The following HS6ST3 variants were observed in gnomAD, a reference collection of about 807,000 sequenced individuals.
The protein encoded by HS6ST3 is heparan-sulfate 6-O-sulfotransferase 3.
A neutral mutation model predicts 36.7 loss-of-function variants in HS6ST3; 12 were observed. That is an observed-to-expected ratio of 0.33 (90% confidence interval 0.21 to 0.53). The LOEUF (loss-of-function observed/expected upper bound fraction) is 0.53. Ranked by LOEUF, HS6ST3 falls within the 20% of genes least tolerant of loss-of-function variation. HS6ST3 has a pLI of 0.95. For synonymous variants in HS6ST3, 240 were observed against 257.5 expected, an observed-to-expected ratio of 0.93 and a Z score of 0.65; for missense variants, 584 against 640.9, an observed-to-expected ratio of 0.91 and a Z score of 0.96.
intron 1 of HS6ST3, among the ~76,000 whole-genome samples, chr13:96,666,626 T>C (rs2056665119): frequency 6.6e-6 from 1 of 152,184 alleles, no homozygotes; most frequent in South Asian, 2.1e-4. Context: ...CAGCAACACG[T>C]TGAACTTCGG....
At chr13:96,477,258 G>A (rs1365873701) in intron 1 of HS6ST3, among the ~76,000 whole-genome samples, 2 of 152,086 alleles carry the variant, frequency 1.3e-5, no homozygotes, top group African/African-American at 4.8e-5. Flanking sequence ...TTTTGAGCTG[G>A]GAGACTGGGA....
intron 1 of HS6ST3, among the ~76,000 whole-genome samples, chr13:96,107,202 G>A (rs547350140): frequency 2.0e-4 from 30 of 152,184 alleles, no homozygotes; most frequent in Non-Finnish European, 3.8e-4. Flanking sequence ...TATGGGGGTT[G>A]TAGGAGTAGG....
At chr13:96,737,970 A>T (rs867193987) in intron 1 of HS6ST3, among the ~76,000 whole-genome samples, 3 of 152,074 alleles carry the variant, frequency 2.0e-5, no homozygotes, top group Non-Finnish European at 4.4e-5. Flanking sequence ...TTGTGATTAC[A>T]TTAGGTTTAC....
At chr13:96,178,167 T>C (rs1344432967) in intron 1 of HS6ST3, among the ~76,000 whole-genome samples, 1 of 152,242 alleles carries the variant, frequency 6.6e-6, no homozygotes, top group Non-Finnish European at 1.5e-5. Flanking sequence ...TTAATACTTC[T>C]GAGGCTGAAT....
intron 1 of HS6ST3, among the ~76,000 whole-genome samples, chr13:96,490,031 A>G (rs1409414715): frequency 6.6e-6 from 1 of 152,136 alleles, no homozygotes; most frequent in Non-Finnish European, 1.5e-5. Flanking sequence ...TCCTTTGCAT[A>G]TTACAGAAAC....
rs147315398 is a variant in HS6ST3, at chr13:96,634,210, C to T, written c.708-198280C>T. On this transcript the variant is annotated intron_variant, in intron 1 of 1. Coordinates refer to ENST00000376705, the MANE Select transcript of HS6ST3 (RefSeq NM_153456.4). ...ATCTATGATCTTTTGTCATAGCAGCCGAACTGAGCAATGGATCCTACTTGT... is the reference window on the plus strand; with the variant it reads ...ATCTATGATCTTTTGTCATAGCAGCTGAACTGAGCAATGGATCCTACTTGT... 5.4e-3 allele frequency among the ~76,000 whole-genome samples: 829 copies of T among 152,258 alleles called. 5 individuals carry two copies. The highest frequency in any genetic ancestry group is 0.019 in the African/African-American group (796 of 41,558).
intron 1 of HS6ST3, among the ~76,000 whole-genome samples, chr13:96,413,390 A>G (rs369857784): frequency 1.8e-4 from 27 of 152,242 alleles, no homozygotes; most frequent in African/African-American, 6.3e-4. Context: ...GAATGAGCGG[A>G]AAATAACTAG....
intron 1 of HS6ST3, among the ~76,000 whole-genome samples, chr13:96,171,182 A>G (rs999436758): frequency 6.6e-6 from 1 of 152,274 alleles, no homozygotes; most frequent in African/African-American, 2.4e-5. Flanking sequence ...TATTTTAAAA[A>G]TATGAAACCT....
intron 1 of HS6ST3, among the ~76,000 whole-genome samples, chr13:96,781,465 G>A (rs554693986): frequency 3.9e-5 from 6 of 152,308 alleles, no homozygotes; most frequent in African/African-American, 1.4e-4. Flanking sequence ...AGCCAACAAC[G>A]AAGCTTTGTT....
At chr13:96,511,920 C>T (rs1261044024) in intron 1 of HS6ST3, among the ~76,000 whole-genome samples, 1 of 152,070 alleles carries the variant, frequency 6.6e-6, no homozygotes, top group East Asian at 1.9e-4. Context: ...TTACTTTTAT[C>T]CAGATAATGA....
chr13:96,301,401 A>T (rs983374100), intron 1 of HS6ST3, among the ~76,000 whole-genome samples: 4 of 152,156 alleles, frequency 2.6e-5, no homozygotes, highest in African/African-American at 9.7e-5. Flanking sequence ...GACTGATCCA[A>T]ATGTTCAGGT....
intron 1 of HS6ST3, among the ~76,000 whole-genome samples, chr13:96,489,401 CACATAT>C (rs1360357205): frequency 9.3e-5 from 14 of 151,244 alleles, no homozygotes; most frequent in Non-Finnish European, 1.6e-4. Flanking sequence ...CACACACACA[CACATAT>C]AGTTTTTTTC....
intron 1 of HS6ST3, among the ~76,000 whole-genome samples, chr13:96,262,635 A>G (rs2054671867): frequency 6.6e-6 from 1 of 152,346 alleles, no homozygotes; most frequent in South Asian, 2.1e-4. Context: ...TGGGTTTACC[A>G]GAGCAGAAAT....
At chr13:96,139,976 A>G (rs1393368154) in intron 1 of HS6ST3, among the ~76,000 whole-genome samples, 1 of 152,148 alleles carries the variant, frequency 6.6e-6, no homozygotes, top group African/African-American at 2.4e-5. Flanking sequence ...AATATATTGG[A>G]AAGTTTTTTT....
intron 1 of HS6ST3, among the ~76,000 whole-genome samples, chr13:96,810,655 C>T (rs562167550): frequency 2.0e-5 from 3 of 152,052 alleles, no homozygotes; most frequent in African/African-American, 4.8e-5. Context: ...GTCTAATGAA[C>T]GAGTCTTAGG....
intron 1 of HS6ST3, among the ~76,000 whole-genome samples, chr13:96,174,607 C>A (rs372951467): frequency 6.6e-6 from 1 of 152,116 alleles, no homozygotes; most frequent in Non-Finnish European, 1.5e-5. Context: ...ACAACTTTCT[C>A]TCTCCCCATT....
intron 1 of HS6ST3, among the ~76,000 whole-genome samples, chr13:96,280,918 G>A (rs1284039948): frequency 6.6e-6 from 1 of 152,096 alleles, no homozygotes; most frequent in Admixed American, 6.6e-5. Flanking sequence ...AACAACAGGG[G>A]CTGTGAATTG....
intron 1 of HS6ST3, among the ~76,000 whole-genome samples, chr13:96,817,810 A>T (rs1386595004): frequency 6.6e-6 from 1 of 152,178 alleles, no homozygotes; most frequent in Non-Finnish European, 1.5e-5. Flanking sequence ...AATAATCAAC[A>T]CAAAGGGGCA....
chr13:96,365,290 C>T (rs1174254185), intron 1 of HS6ST3, among the ~76,000 whole-genome samples: 3 of 152,156 alleles, frequency 2.0e-5, no homozygotes, highest in Non-Finnish European at 2.9e-5. Flanking sequence ...CCACCCTGTG[C>T]CACGTGAGGC....
Sources: allele counts gnomAD v4.1 joint callset (sites outside exome capture counted in the v4.1 genomes callset), GRCh38; gene constraint gnomAD v4.1.1; transcripts MANE v1.5; gene names NCBI Gene and HGNC (gene_info 2026-07-23, HGNC 2026-07-21).